The following CNTLN variants were observed in gnomAD, a reference collection of about 807,000 sequenced individuals.
CNTLN encodes centlein.
In CNTLN, 212 loss-of-function variants were observed where a neutral mutation model predicts 180.0. That is an observed-to-expected ratio of 1.18 (90% CI 1.05 to 1.32). CNTLN has a LOEUF of 1.32. Ranked by LOEUF, CNTLN falls within the 40% of genes most tolerant of loss-of-function variation. The pLI, the probability that CNTLN is intolerant of heterozygous loss-of-function variation, is 0.00. For missense variants in CNTLN, 2,095 were observed against 1,610.9 expected, an observed-to-expected ratio of 1.30 and a Z score of -5.14; for synonymous variants, 722 against 563.1, an observed-to-expected ratio of 1.28 and a Z score of -3.99.
intron 13 of CNTLN, among the ~76,000 whole-genome samples, chr9:17,370,593 G>A (rs1450658431): frequency 6.6e-6 from 1 of 152,086 alleles, no homozygotes; most frequent in Non-Finnish European, 1.5e-5. Context: ...GGATATTAAT[G>A]AGTAATAAAT....
rs776670044 is a variant in CNTLN, at chr9:17,409,460, G to T, written c.2783G>T (p.Gly928Val). Residue 928 changes from glycine to valine, a missense_variant, in exon 16 of 26, where the codon GGC becomes GTC. Coordinates refer to ENST00000380647, the MANE Select transcript of CNTLN (RefSeq NM_017738.4). ...GTACAGACATATTTAAATATAGATG[G>T]CAAGACCCCAAAGGTAAATGACATG... Reference protein sequence around the residue: ...EIVQTYLNIDGKTPKDYFHDK... With the variant: ...EIVQTYLNIDVKTPKDYFHDK... 1.5e-5 allele frequency: 24 copies of T among 1,597,328 alleles called. No homozygotes were observed. Among genetic ancestry groups the T allele is most frequent in the Non-Finnish European group, 2.0e-5 (24 of 1,175,154 alleles).
intron 2 of CNTLN, among the ~76,000 whole-genome samples, chr9:17,161,757 C>G (rs1819695767): frequency 6.6e-6 from 1 of 152,144 alleles, no homozygotes. Flanking sequence ...AATGTGCTGT[C>G]CTGCATTTTG....
At chr9:17,161,819 C>T (rs1819699944) in intron 2 of CNTLN, among the ~76,000 whole-genome samples, 1 of 152,180 alleles carries the variant, frequency 6.6e-6, no homozygotes, top group Admixed American at 6.5e-5. Context: ...CAAATAATCT[C>T]AGGAAGTGAA....
intron 15 of CNTLN, among the ~76,000 whole-genome samples, chr9:17,397,406 C>T (rs1826621096): frequency 6.6e-6 from 1 of 152,192 alleles, no homozygotes; most frequent in Non-Finnish European, 1.5e-5. Flanking sequence ...GTGGATTATT[C>T]ATGCCTCCCC....
chr9:17,259,749 T>C (rs1027362524), intron 5 of CNTLN, among the ~76,000 whole-genome samples: 6 of 150,340 alleles, frequency 4.0e-5, no homozygotes, highest in African/African-American at 1.5e-4. Context: ...CTAGATTTTC[T>C]AGTTTATTTG....
chr9:17,156,845 T>C (rs1446215198), intron 2 of CNTLN, among the ~76,000 whole-genome samples: 1 of 152,194 alleles, frequency 6.6e-6, no homozygotes, highest in East Asian at 1.9e-4. Flanking sequence ...AATAATAAAA[T>C]AGAATTGAAA....
chr9:17,361,547 A>G (rs560436040), intron 12 of CNTLN, among the ~76,000 whole-genome samples: 1 of 152,216 alleles, frequency 6.6e-6, no homozygotes, highest in South Asian at 2.1e-4. Context: ...AGAAATAAAG[A>G]TTAGCCACAT....
chr9:17,301,439 A>G, intron 7 of CNTLN: 2 of 985,438 alleles, frequency 2.0e-6, no homozygotes, highest in Non-Finnish European at 2.4e-6. Flanking sequence ...GAGATGTGCT[A>G]ACCTAATAAT....
chr9:17,185,686 A>G (rs1449928924), intron 2 of CNTLN, among the ~76,000 whole-genome samples: 2 of 152,026 alleles, frequency 1.3e-5, no homozygotes, highest in African/African-American at 4.8e-5. Flanking sequence ...AAACACATGG[A>G]AAGATCTTTC....
chr9:17,337,264 G>T (rs113234932), intron 10 of CNTLN, among the ~76,000 whole-genome samples: 2 of 152,004 alleles, frequency 1.3e-5, no homozygotes, highest in African/African-American at 4.8e-5. Context: ...TAGGTTGCCT[G>T]TTCACTCTGA....
chr9:17,284,798 G>A (rs532279644), intron 6 of CNTLN, among the ~76,000 whole-genome samples: 8 of 152,032 alleles, frequency 5.3e-5, no homozygotes, highest in Non-Finnish European at 1.2e-4. Flanking sequence ...TCTTCTGCTA[G>A]TGTTGTGGTT....
At chr9:17,316,420 A>G (rs1819542426) in intron 8 of CNTLN, among the ~76,000 whole-genome samples, 1 of 152,108 alleles carries the variant, frequency 6.6e-6, no homozygotes, top group East Asian at 1.9e-4. Context: ...TGAGGGCTTA[A>G]TGTATGCTCT....
At chr9:17,198,104 T>G (rs1455738677) in intron 2 of CNTLN, among the ~76,000 whole-genome samples, 1 of 152,220 alleles carries the variant, frequency 6.6e-6, no homozygotes, top group Non-Finnish European at 1.5e-5. Context: ...TGTGTCTGTT[T>G]TTATGCTAGT....
At chr9:17,381,780 G>T (rs1035727803) in intron 13 of CNTLN, among the ~76,000 whole-genome samples, 2 of 152,160 alleles carry the variant, frequency 1.3e-5, no homozygotes, top group Admixed American at 1.3e-4. Context: ...TGGCTGGAGT[G>T]CTTCACCTTG....
At chr9:17,474,881 AG>A (rs1252600826) in intron 23 of CNTLN, among the ~76,000 whole-genome samples, 1 of 151,372 alleles carries the variant, frequency 6.6e-6, no homozygotes, top group Non-Finnish European at 1.5e-5. Flanking sequence ...AAAAAAAAAA[AG>A]GGAAAATATC....
chr9:17,185,260 A>T (rs1335773589), intron 2 of CNTLN, among the ~76,000 whole-genome samples: 9 of 152,214 alleles, frequency 5.9e-5, no homozygotes, highest in Admixed American at 5.9e-4. Context: ...AATAGATAAT[A>T]TGTCTAAAAC....
chr9:17,455,146 G>C (rs906251228), intron 18 of CNTLN, among the ~76,000 whole-genome samples: 4 of 152,164 alleles, frequency 2.6e-5, no homozygotes, highest in African/African-American at 9.7e-5. Context: ...ACAGAAGTTA[G>C]TAATAGAGCT....
At chr9:17,510,298 A>G in the CNTLN span, among the ~76,000 whole-genome samples, 1 of 152,210 alleles carries the variant, frequency 6.6e-6, no homozygotes, top group Non-Finnish European at 1.5e-5. Context: ...GACCATAGTG[A>G]CCACATGACC....
Position 17,435,506 on chromosome 9 carries a change from G to A in CNTLN, c.3114+19317G>A, listed in dbSNP as rs181493507. On this transcript the variant is annotated intron_variant, in intron 18 of 25. Transcript: ENST00000380647. ...TAGGAGGAGCATTTTGAAATATGAA[G>A]TGGAATTTGACCTTAGACTATGAAA... 1.5e-3 allele frequency among the ~76,000 whole-genome samples: 233 copies of A among 151,964 alleles called. 2 individuals are homozygous for A. Among genetic ancestry groups the A allele is most frequent in the South Asian group, 4.2e-4 (2 of 4,806 alleles).
Sources: gnomAD v4.1 joint callset for allele counts (sites outside exome capture counted in the v4.1 genomes callset) on GRCh38, gnomAD v4.1.1 for gene constraint, MANE v1.5 for transcripts, NCBI Gene and HGNC (gene_info 2026-07-23, HGNC 2026-07-21) for gene names.